The following IFI44L variants were observed in gnomAD, a reference collection of about 807,000 sequenced individuals.
The protein encoded by IFI44L is interferon-induced protein 44-like.
A neutral mutation model predicts 39.3 loss-of-function variants in IFI44L; 40 were observed. The ratio of observed to expected loss-of-function variants is 1.02; its 90% CI spans 0.79 to 1.33. IFI44L has a LOEUF of 1.33. IFI44L is among the 40% of genes most tolerant of loss of function. IFI44L has a pLI of 0.00. For synonymous variants in IFI44L, 198 were observed against 182.3 expected (o/e 1.09, Z -0.69); for missense variants, 623 against 549.0 (o/e 1.13, Z -1.35).
At position 78,629,876 on chromosome 1, in the gene IFI44L, A is replaced by G; in HGVS notation, c.684A>G (p.Gln228=). The G allele has an allele frequency of 6.2e-7, 1 of 1,613,836 alleles. No homozygotes were observed. Among genetic ancestry groups the G allele is most frequent in the East Asian group, 2.2e-5 (1 of 44,852 alleles). ...TTTTTCATGGCCATGTGACTGGCCA[A>G]GCCGTAGTGGGGTCTGATATCACCA... is the stretch of plus-strand genomic sequence containing the variant. ...KSIFHGHVTG[Q]AVVGSDITSI... Residue 228 remains glutamine, a synonymous_variant, in exon 4 of 9, where the codon CAA becomes CAG. Coordinates refer to ENST00000370751, the MANE Select transcript of IFI44L (RefSeq NM_006820.4).
chr1:78,636,873 T>G, intron 5 of IFI44L, 159 bp from the exon 6 acceptor site: 1 of 561,190 alleles, frequency 1.8e-6, no homozygotes. Context: ...ATGCTCACAG[T>G]GGAAAGGAAG....
intron 6 of IFI44L, among the ~76,000 whole-genome samples, chr1:78,638,176 G>T (rs1653021389): frequency 6.6e-6 from 1 of 152,020 alleles, no homozygotes; most frequent in Non-Finnish European, 1.5e-5. Context: ...AATTTGCATT[G>T]CTTAATGACT....
chr1:78,636,352 A>G (rs1253671118), intron 5 of IFI44L, among the ~76,000 whole-genome samples: 1 of 152,090 alleles, frequency 6.6e-6, no homozygotes, highest in African/African-American at 2.4e-5. Context: ...GATAGAGCGA[A>G]GACATTGGAG....
intron 1 of IFI44L, among the ~76,000 whole-genome samples, chr1:78,623,644 C>G (rs951164799): frequency 6.6e-6 from 1 of 152,058 alleles, no homozygotes; most frequent in Non-Finnish European, 1.5e-5. Context: ...GCCAGGAAAG[C>G]TGGTGGTGTA....
chr1:78,625,622 G>T (rs1652456009), intron 1 of IFI44L: 1 of 151,710 alleles, frequency 6.6e-6, no homozygotes, highest in Non-Finnish European at 1.5e-5. Context: ...TACTTGATTT[G>T]TCCATTAATA....
At chr1:78,628,851 G>A in intron 2 of IFI44L, 100 bp from the exon 3 acceptor site, 1 of 789,062 alleles carries the variant, frequency 1.3e-6, no homozygotes. Context: ...TCAGCCCTGG[G>A]TTATGCAAGA....
At chr1:78,641,398 A>G in intron 7 of IFI44L, 37 bp from the exon 8 acceptor site, 1 of 1,572,858 alleles carries the variant, frequency 6.4e-7, no homozygotes, top group Non-Finnish European at 8.7e-7. Flanking sequence ...CAAATATTAA[A>G]TACAGGACTT....
chr1:78,626,094 T>C (rs928832685), intron 1 of IFI44L: 3 of 151,946 alleles, frequency 2.0e-5, no homozygotes, highest in Admixed American at 2.0e-4. Flanking sequence ...TTAACTAATT[T>C]TACTGTATCC....
At position 78,630,038 on chromosome 1, in the gene IFI44L, G is replaced by C. The variant is rs1194796726; in HGVS notation, c.723+123G>C. 5 of 973,662 alleles carry C rather than the reference G, an allele frequency of 5.1e-6. No homozygotes were observed. The East Asian group carries it at 1.0e-4, about 20-fold the overall frequency. 60.3% of individuals were successfully genotyped at this position (973,662 alleles called of 1,614,324 possible). A position where few individuals can be genotyped will look rare whatever the true frequency, so the allele number is the denominator to read the frequency against. ...AAATGCTAAATCAAATGGAAAATAG[G>C]AGTAAAATTTTGATCAGAACCACCT... On this transcript the variant is annotated intron_variant, in intron 4 of 8. Coordinates refer to ENST00000370751, the MANE Select transcript of IFI44L (RefSeq NM_006820.4).
At chr1:78,636,753 CT>C (rs1409001333) in intron 5 of IFI44L, 1 of 321,654 alleles carries the variant, frequency 3.1e-6, no homozygotes, top group African/African-American at 2.2e-5. Flanking sequence ...TTGAAATTAG[CT>C]TTTCAAAAAT....
At position 78,628,022 on chromosome 1, in the gene IFI44L, G is replaced by T. The variant is rs372837467; in HGVS notation, c.107G>T (p.Ser36Ile). 2 of 1,613,034 alleles carry T rather than the reference G, an allele frequency of 1.2e-6. No homozygotes were observed. The highest frequency in any genetic ancestry group is 1.7e-6 in the Non-Finnish European group (2 of 1,179,370). Reference sequence around the variant, plus strand: ...TATAAGTCTAGTGTTCATGGAGGTAGCATTGAAGATATGGTTGAAAGATGC... The same window carrying T: ...TATAAGTCTAGTGTTCATGGAGGTATCATTGAAGATATGGTTGAAAGATGC... The part of the protein sequence containing the change: ...LLYKSSVHGG[S>I]IEDMVERCSR... The change falls in exon 2 of 9, where the codon AGC becomes ATC. Residue 36 changes from serine (S) to isoleucine (I), a missense_variant. Coordinates refer to ENST00000370751, the MANE Select transcript of IFI44L (RefSeq NM_006820.4).
intron 4 of IFI44L, among the ~76,000 whole-genome samples, chr1:78,631,091 G>T (rs903223590): frequency 2.0e-5 from 3 of 151,950 alleles, no homozygotes; most frequent in Admixed American, 6.6e-5. Flanking sequence ...AATTCCAAAG[G>T]TCTTATTTTA....
intron 1 of IFI44L, among the ~76,000 whole-genome samples, chr1:78,625,119 A>G (rs1652437483): frequency 6.8e-6 from 1 of 147,980 alleles, no homozygotes; most frequent in African/African-American, 2.5e-5. Context: ...CATTCCATCT[A>G]TATTTATAAA....
In IFI44L at chr1:78,627,887, A is replaced by G. The variant is rs1388293462; in HGVS notation, c.-10-19A>G. ...CTATATTATATAAGCTTCTCAACCT[A>G]TAATTGTTTTTCCATTAGATATAGA... is the stretch of plus-strand genomic sequence containing the variant. On this transcript the variant is annotated intron_variant, in intron 1 of 8. Coordinates refer to ENST00000370751, the MANE Select transcript of IFI44L (RefSeq NM_006820.4). The G allele has an allele frequency of 1.4e-6, 2 of 1,399,812 alleles. No individual in the cohort carries two copies. Among genetic ancestry groups the G allele is most frequent in the East Asian group, 2.5e-5 (1 of 40,688 alleles). 86.7% of individuals were successfully genotyped at this position (1,399,812 alleles called of 1,614,324 possible).
chr1:78,621,668 T>C (rs987750272), intron 1 of IFI44L, among the ~76,000 whole-genome samples: 8 of 152,126 alleles, frequency 5.3e-5, no homozygotes, highest in African/African-American at 1.2e-4. Context: ...TGGTTTTCTG[T>C]ATGTGTGTAT....
At position 78,635,473 on chromosome 1, in the gene IFI44L, T is replaced by G; in HGVS notation, c.860T>G (p.Met287Arg). The G allele has an allele frequency of 1.2e-6, 2 of 1,612,554 alleles. No homozygotes were observed. Among genetic ancestry groups the G allele is most frequent in the Non-Finnish European group, 1.7e-6 (2 of 1,179,440 alleles). ...DDIPHILKGCMPDRYQFNSRK... is the reference protein window; with the variant it reads ...DDIPHILKGCRPDRYQFNSRK... Reference sequence around the variant, plus strand: ...ATTCCCCACATCTTAAAAGGTTGTATGCCAGACAGATATCAGGTAAGATTT... The same window carrying G: ...ATTCCCCACATCTTAAAAGGTTGTAGGCCAGACAGATATCAGGTAAGATTT... Residue 287 changes from methionine to arginine, a missense_variant, in exon 5 of 9, where the codon ATG (methionine) becomes AGG (arginine). Met to Arg is a moderately conservative substitution (Grantham distance 91). Coordinates refer to ENST00000370751, the MANE Select transcript of IFI44L (RefSeq NM_006820.4).
At chr1:78,635,028 A>ATGTG (rs1451525066) in intron 4 of IFI44L, among the ~76,000 whole-genome samples, 2 of 1,724 alleles carry the variant, frequency 1.2e-3, no homozygotes, top group Non-Finnish European at 2.1e-3. Flanking sequence ...GTGTATGTGT[A>ATGTG]TATATATATA....
At chr1:78,628,559 A>C in intron 2 of IFI44L, 166 bp downstream of exon 2, 2 of 593,032 alleles carry the variant, frequency 3.4e-6, no homozygotes, top group South Asian at 4.5e-5. Context: ...AAGGATTATG[A>C]GGTTTTTATC....
intron 2 of IFI44L, 153 bp from the exon 3 acceptor site, chr1:78,628,798 C>T: frequency 3.3e-6 from 2 of 599,470 alleles, no homozygotes; most frequent in Middle Eastern, 2.7e-4. Flanking sequence ...ATTTTTCCTC[C>T]TCTTCCTCTC....
Sources: allele counts gnomAD v4.1 joint callset (sites outside exome capture counted in the v4.1 genomes callset), GRCh38; gene constraint gnomAD v4.1.1; transcripts MANE v1.5; gene names NCBI Gene and HGNC (gene_info 2026-07-23, HGNC 2026-07-21).